HS3ST4: variants seen among roughly 807,000 people sequenced by gnomAD.
HS3ST4 encodes heparan sulfate-glucosamine 3-sulfotransferase 4.
A neutral mutation model predicts 29.2 loss-of-function variants in HS3ST4; 17 were observed. The observed-to-expected ratio is 0.58, with a 90% CI of 0.40 to 0.87. The LOEUF is 0.87. Among genes scored for constraint, HS3ST4 ranks in the 40% least tolerant of loss-of-function variants. HS3ST4 has a pLI of 0.00. For missense variants in HS3ST4, 627 were observed against 634.5 expected, an observed-to-expected ratio of 0.99 and a Z score of 0.13; for synonymous variants, 314 against 285.7, an observed-to-expected ratio of 1.10 and a Z score of -1.00.
intron 1 of HS3ST4, among the ~76,000 whole-genome samples, chr16:25,976,438 T>C (rs1470619085): frequency 1.3e-5 from 2 of 152,326 alleles, no homozygotes; most frequent in Admixed American, 6.5e-5. Context: ...CCCTAGTAGC[T>C]GGGACTACAG....
At position 26,121,099 on chromosome 16, in the gene HS3ST4, G is replaced by A. The variant is rs115959622; in HGVS notation, c.735-14513G>A. On this transcript the variant is annotated intron_variant, in intron 1 of 1. Transcript: ENST00000331351. ...AAAATTGTTGTATAAAATGGGAATTGTATATGGTGAAGAAACTCAGGCTTG... is the reference window on the plus strand; with the variant it reads ...AAAATTGTTGTATAAAATGGGAATTATATATGGTGAAGAAACTCAGGCTTG... Among the ~76,000 whole-genome samples, 4 of 152,168 alleles carry A rather than the reference G, an allele frequency of 2.6e-5. No individual in the cohort carries two copies. In the South Asian group the frequency reaches 8.3e-4, roughly 32 times the overall value.
chr16:25,809,351 A>T (rs1483970142), intron 1 of HS3ST4, among the ~76,000 whole-genome samples: 2 of 152,166 alleles, frequency 1.3e-5, no homozygotes, highest in African/African-American at 2.4e-5. Context: ...GATTACATTG[A>T]TTGACTTTTG....
At chr16:26,107,155 T>C (rs973745574) in intron 1 of HS3ST4, among the ~76,000 whole-genome samples, 3 of 152,094 alleles carry the variant, frequency 2.0e-5, no homozygotes, top group African/African-American at 4.8e-5. Context: ...GGTGTTGGAG[T>C]TGGATAATCC....
intron 1 of HS3ST4, among the ~76,000 whole-genome samples, chr16:25,880,847 C>T (rs1250781720): frequency 6.6e-6 from 1 of 152,120 alleles, no homozygotes; most frequent in African/African-American, 2.4e-5. Context: ...GAGTATGACT[C>T]CAGTTAAGAT....
chr16:25,879,055 G>A (rs1156303994), intron 1 of HS3ST4, among the ~76,000 whole-genome samples: 4 of 152,188 alleles, frequency 2.6e-5, no homozygotes, highest in African/African-American at 9.6e-5. Flanking sequence ...ACTGACTGAA[G>A]CATCTGAGCC....
At chr16:25,738,153 C>T (rs1966623746) in intron 1 of HS3ST4, among the ~76,000 whole-genome samples, 1 of 152,158 alleles carries the variant, frequency 6.6e-6, no homozygotes, top group Admixed American at 6.5e-5. Context: ...ATCTACCCTC[C>T]TCGGCCTGCC....
chr16:26,100,956 G>A (rs1898983212), intron 1 of HS3ST4, among the ~76,000 whole-genome samples: 1 of 152,200 alleles, frequency 6.6e-6, no homozygotes, highest in African/African-American at 2.4e-5. Context: ...AAGGAGCTAG[G>A]AGATGAGGCC....
chr16:25,752,672 A>G (rs977815939), intron 1 of HS3ST4, among the ~76,000 whole-genome samples: 3 of 152,208 alleles, frequency 2.0e-5, no homozygotes, highest in Non-Finnish European at 4.4e-5. Context: ...ATGGCAAACC[A>G]TACATTAAAC....
intron 1 of HS3ST4, among the ~76,000 whole-genome samples, chr16:25,732,661 T>A (rs1966578310): frequency 2.0e-5 from 3 of 152,174 alleles, no homozygotes; most frequent in South Asian, 4.1e-4. Context: ...TATCATGCAG[T>A]CTTGACTGAT....
At chr16:25,750,936 T>C (rs1966714991) in intron 1 of HS3ST4, among the ~76,000 whole-genome samples, 1 of 152,174 alleles carries the variant, frequency 6.6e-6, no homozygotes, top group Admixed American at 6.5e-5. Context: ...TTCATTTAGA[T>C]TGTTGTTATG....
intron 1 of HS3ST4, among the ~76,000 whole-genome samples, chr16:25,738,256 T>A (rs1246456871): frequency 1.3e-5 from 2 of 152,194 alleles, no homozygotes; most frequent in Non-Finnish European, 1.5e-5. Context: ...CGGGAAGTTT[T>A]CCTAGGCTGA....
At chr16:25,827,369 C>T (rs1015691155) in intron 1 of HS3ST4, among the ~76,000 whole-genome samples, 1 of 152,150 alleles carries the variant, frequency 6.6e-6, no homozygotes, top group Non-Finnish European at 1.5e-5. Flanking sequence ...TCGACACCTG[C>T]AGGTGTCTAT....
chr16:26,108,881 AATAAACGT>A (rs2141801594), intron 1 of HS3ST4, among the ~76,000 whole-genome samples: 1 of 152,310 alleles, frequency 6.6e-6, no homozygotes, highest in East Asian at 1.9e-4. Context: ...CAAATGAATG[AATAAACGT>A]ATGTTAGGTG....
At chr16:26,034,689 T>C (rs1969567363) in intron 1 of HS3ST4, among the ~76,000 whole-genome samples, 1 of 150,734 alleles carries the variant, frequency 6.6e-6, no homozygotes. Context: ...CTCACCAGCA[T>C]GGAGTGAGGA....
chr16:25,735,668 G>A (rs1324077780), intron 1 of HS3ST4, among the ~76,000 whole-genome samples: 3 of 152,140 alleles, frequency 2.0e-5, no homozygotes, highest in Admixed American at 1.3e-4. Flanking sequence ...TGGGGATTAC[G>A]GGTATGAGCC....
At chr16:25,877,361 T>C (rs1424295331) in intron 1 of HS3ST4, among the ~76,000 whole-genome samples, 1 of 152,148 alleles carries the variant, frequency 6.6e-6, no homozygotes, top group Non-Finnish European at 1.5e-5. Context: ...AAGGGATTAT[T>C]TGGGGACACA....
chr16:25,783,054 G>A (rs538434311), intron 1 of HS3ST4, among the ~76,000 whole-genome samples: 6 of 152,176 alleles, frequency 3.9e-5, no homozygotes, highest in Admixed American at 1.3e-4. Context: ...TTGAAAAAAA[G>A]AAGAGGGTTG....
chr16:25,898,529 C>T (rs1968092571), intron 1 of HS3ST4, among the ~76,000 whole-genome samples: 1 of 152,202 alleles, frequency 6.6e-6, no homozygotes, highest in Admixed American at 6.5e-5. Context: ...TAGTATACCA[C>T]GTATGCCATA....
chr16:25,738,268 GGT>G (rs1184266672), intron 1 of HS3ST4, among the ~76,000 whole-genome samples: 1 of 152,110 alleles, frequency 6.6e-6, no homozygotes, highest in Non-Finnish European at 1.5e-5. Flanking sequence ...CTAGGCTGAT[GGT>G]GTGGAGACCT....
Sources: allele counts gnomAD v4.1 joint callset (sites outside exome capture counted in the v4.1 genomes callset), GRCh38; gene constraint gnomAD v4.1.1; transcripts MANE v1.5; gene names NCBI Gene and HGNC (gene_info 2026-07-23, HGNC 2026-07-21).